Variants in PRKCA observed in about 807,000 individuals in gnomAD.
The protein encoded by PRKCA is protein kinase C alpha.
In PRKCA, 27 loss-of-function variants were observed where a neutral mutation model predicts 87.0. The ratio of observed to expected loss-of-function variants is 0.31; its 90% CI spans 0.23 to 0.43. PRKCA has a LOEUF of 0.43. PRKCA is among the 20% of genes least tolerant of loss of function. PRKCA has a pLI of 1.00. For missense variants in PRKCA, 518 were observed against 852.3 expected (o/e 0.61, Z 4.88); for synonymous variants, 329 against 311.1 (o/e 1.06, Z -0.61).
chr17:66,373,613 C>T (rs942724943), intron 2 of PRKCA, among the ~76,000 whole-genome samples: 8 of 152,182 alleles, frequency 5.3e-5, no homozygotes, highest in African/African-American at 1.7e-4. Context: ...GTTATTAAGT[C>T]AACCAACAAA....
rs1355741939 is a variant in PRKCA at position 66,810,610 on chromosome 17, G to T, written c.*6573G>T. 6.6e-6 allele frequency: 1 copy of T among 152,048 alleles called. No homozygotes were observed. Among genetic ancestry groups the T allele is most frequent in the Non-Finnish European group, 1.5e-5 (1 of 68,018 alleles). The allele number at this position is 152,048 out of a possible 1,614,324, so 9.4% of individuals were successfully genotyped here. A position where few individuals can be genotyped will look rare whatever the true frequency, so the allele number is the denominator to read the frequency against. On this transcript the variant is annotated 3_prime_UTR_variant, in exon 17 of 17. Transcript: ENST00000413366. ...CATTTGGTTATATCGCAGAGGAGACGGATGTGTAAATTACTGCATTGCTTT... is the reference window on the plus strand; with the variant it reads ...CATTTGGTTATATCGCAGAGGAGACTGATGTGTAAATTACTGCATTGCTTT...
intron 2 of PRKCA, among the ~76,000 whole-genome samples, chr17:66,494,781 G>A (rs971385241): frequency 6.6e-6 from 1 of 151,968 alleles, no homozygotes; most frequent in Admixed American, 6.6e-5. Context: ...TATTTTTTGC[G>A]TCCTCTATCT....
chr17:66,620,569 C>T (rs944306709), intron 3 of PRKCA, among the ~76,000 whole-genome samples: 3 of 152,128 alleles, frequency 2.0e-5, no homozygotes, highest in Non-Finnish European at 1.5e-5. Flanking sequence ...CAACAAAGCT[C>T]AGAAATCTAT....
chr17:66,355,810 C>A (rs1405550639), intron 2 of PRKCA, among the ~76,000 whole-genome samples: 1 of 152,182 alleles, frequency 6.6e-6, no homozygotes, highest in Admixed American at 6.5e-5. Context: ...CCTTTCAAAT[C>A]ATTGCTTAGG....
chr17:66,444,412 T>A (rs1405752022), intron 2 of PRKCA, among the ~76,000 whole-genome samples: 2 of 152,174 alleles, frequency 1.3e-5, no homozygotes, highest in Non-Finnish European at 2.9e-5. Context: ...GCCTTTTATT[T>A]CTTGGAGGTA....
At chr17:66,765,441 T>G (rs1291836086) in intron 13 of PRKCA, among the ~76,000 whole-genome samples, 5 of 137,760 alleles carry the variant, frequency 3.6e-5, no homozygotes, top group Non-Finnish European at 7.9e-5. Flanking sequence ...TATATATATA[T>G]ATATATATAT....
At chr17:66,329,739 CGTAATG>C (rs1906209364) in intron 2 of PRKCA, among the ~76,000 whole-genome samples, 1 of 152,110 alleles carries the variant, frequency 6.6e-6, no homozygotes, top group Non-Finnish European at 1.5e-5. Context: ...GGAGCTTCAT[CGTAATG>C]GGCAGAGTAA....
At chr17:66,320,376 A>AT (rs879343663) in intron 2 of PRKCA, among the ~76,000 whole-genome samples, 423 of 142,796 alleles carry the variant, frequency 3.0e-3, no homozygotes, top group Non-Finnish European at 4.3e-3. Context: ...CCAATACTCT[A>AT]TTTTTTTTTT....
intron 2 of PRKCA, among the ~76,000 whole-genome samples, chr17:66,347,159 A>G (rs894882657): frequency 2.0e-5 from 3 of 152,212 alleles, no homozygotes; most frequent in Non-Finnish European, 2.9e-5. Context: ...TAAAATAGTA[A>G]TAGTAATCCC....
intron 2 of PRKCA, among the ~76,000 whole-genome samples, chr17:66,347,356 CAT>C (rs1907443997): frequency 6.6e-6 from 1 of 151,870 alleles, no homozygotes; most frequent in South Asian, 2.1e-4. Context: ...ATGTCTAACA[CAT>C]ATATGTAATT....
chr17:66,710,936 G>A (rs986498768), intron 8 of PRKCA, among the ~76,000 whole-genome samples: 3 of 151,976 alleles, frequency 2.0e-5, no homozygotes, highest in African/African-American at 4.8e-5. Flanking sequence ...CCAGCTACTC[G>A]GGAGGCTGAG....
intron 3 of PRKCA, among the ~76,000 whole-genome samples, chr17:66,625,730 A>G (rs983570538): frequency 2.0e-5 from 3 of 152,150 alleles, no homozygotes; most frequent in East Asian, 1.9e-4. Flanking sequence ...TTATTGCCCA[A>G]TATGTTACTA....
chr17:66,428,855 A>C (rs1912954882), intron 2 of PRKCA, among the ~76,000 whole-genome samples: 1 of 152,090 alleles, frequency 6.6e-6, no homozygotes, highest in African/African-American at 2.4e-5. Flanking sequence ...CAGATACTTA[A>C]TTTTGATGAA....
At chr17:66,351,473 G>A (rs1227090208) in intron 2 of PRKCA, among the ~76,000 whole-genome samples, 4 of 152,108 alleles carry the variant, frequency 2.6e-5, no homozygotes, top group African/African-American at 7.2e-5. Context: ...TTTTAGATTC[G>A]AGAGCTCATC....
intron 3 of PRKCA, among the ~76,000 whole-genome samples, chr17:66,621,411 T>C (rs1170956880): frequency 6.6e-6 from 1 of 152,222 alleles, no homozygotes; most frequent in Non-Finnish European, 1.5e-5. Flanking sequence ...TTCCTCGTAT[T>C]CTTTGTGTTT....
intron 8 of PRKCA, among the ~76,000 whole-genome samples, chr17:66,693,883 G>C (rs1251088227): frequency 2.6e-5 from 4 of 152,156 alleles, no homozygotes; most frequent in Admixed American, 2.6e-4. Flanking sequence ...TTGGCCCAAG[G>C]GCCAGTTTGC....
intron 3 of PRKCA, among the ~76,000 whole-genome samples, chr17:66,604,480 G>A (rs1338039813): frequency 6.6e-6 from 1 of 152,194 alleles, no homozygotes; most frequent in Non-Finnish European, 1.5e-5. Flanking sequence ...AGTCCCTTTG[G>A]TAGGTGGAAA....
At chr17:66,696,302 T>A (rs1202112302) in intron 8 of PRKCA, 1 of 152,206 alleles carries the variant, frequency 6.6e-6, no homozygotes, top group African/African-American at 2.4e-5. Context: ...AGCATGGTAT[T>A]TTTCTAGAAG....
chr17:66,745,274 G>A (rs1321845040), intron 13 of PRKCA, among the ~76,000 whole-genome samples: 3 of 152,166 alleles, frequency 2.0e-5, no homozygotes, highest in Non-Finnish European at 4.4e-5. Flanking sequence ...CTCTGTTCTT[G>A]CTCTAGATAC....
Sources: gnomAD v4.1 joint callset for allele counts (sites outside exome capture counted in the v4.1 genomes callset) on GRCh38, gnomAD v4.1.1 for gene constraint, MANE v1.5 for transcripts, NCBI Gene and HGNC (gene_info 2026-07-23, HGNC 2026-07-21) for gene names.